Variants in CDH9 observed in about 807,000 individuals in gnomAD.
CDH9 encodes the protein cadherin 9.
CDH9 carries 28 observed loss-of-function variants against 70.9 expected under a neutral mutation model. The observed-to-expected ratio is 0.40, with a 90% CI of 0.29 to 0.54. The LOEUF is 0.54. CDH9 is among the 20% of genes least tolerant of loss of function. The pLI, the probability that CDH9 is intolerant of heterozygous loss-of-function variation, is 0.59. For missense variants in CDH9, 874 were observed against 984.4 expected, an observed-to-expected ratio of 0.89 and a Z score of 1.50; for synonymous variants, 409 against 343.1, an observed-to-expected ratio of 1.19 and a Z score of -2.12.
chr5:26,883,968 T>A (rs768314868), intron 11 of CDH9, among the ~76,000 whole-genome samples: 1 of 152,104 alleles, frequency 6.6e-6, no homozygotes, highest in Non-Finnish European at 1.5e-5. Flanking sequence ...ACTATAGAAA[T>A]GCATTAACTA....
chr5:26,982,860 T>C (rs2112086021), intron 2 of CDH9, among the ~76,000 whole-genome samples: 2 of 152,054 alleles, frequency 1.3e-5, no homozygotes, highest in East Asian at 3.9e-4. Context: ...TATTTGTATT[T>C]TTTTTTAGTA....
At chr5:26,913,753 ATGTTTGTG>A (rs1415701637) in intron 3 of CDH9, among the ~76,000 whole-genome samples, 2 of 125,086 alleles carry the variant, frequency 1.6e-5, no homozygotes, top group African/African-American at 6.7e-5. Context: ...ATATACATAT[ATGTTTGTG>A]TGTGTGTGTG....
At chr5:27,000,574 A>T (rs987022519) in intron 1 of CDH9, among the ~76,000 whole-genome samples, 2 of 152,178 alleles carry the variant, frequency 1.3e-5, no homozygotes, top group Non-Finnish European at 2.9e-5. Context: ...GCCACAGTTA[A>T]GCTTTCTAGT....
At chr5:26,922,347 A>T (rs534302809) in intron 2 of CDH9, among the ~76,000 whole-genome samples, 4 of 152,224 alleles carry the variant, frequency 2.6e-5, no homozygotes, top group African/African-American at 9.6e-5. Context: ...AAGAGAAAAT[A>T]AAAAAACAAC....
chr5:26,937,274 A>G (rs1423841161), intron 2 of CDH9, among the ~76,000 whole-genome samples: 1 of 152,222 alleles, frequency 6.6e-6, no homozygotes, highest in Non-Finnish European at 1.5e-5. Context: ...AAAAATGTGC[A>G]ACATCATATT....
At chr5:27,002,101 A>C (rs548453049) in intron 1 of CDH9, among the ~76,000 whole-genome samples, 1 of 152,328 alleles carries the variant, frequency 6.6e-6, no homozygotes, top group Non-Finnish European at 1.5e-5. Flanking sequence ...CCCATCAAAA[A>C]GTGGGGGAGG....
intron 2 of CDH9, among the ~76,000 whole-genome samples, chr5:26,938,576 A>G (rs1741602168): frequency 6.6e-6 from 1 of 152,100 alleles, no homozygotes; most frequent in Non-Finnish European, 1.5e-5. Flanking sequence ...GGCAATTTTG[A>G]ATAAAATTAA....
intron 2 of CDH9, among the ~76,000 whole-genome samples, chr5:26,983,054 G>A (rs1742427924): frequency 6.6e-6 from 1 of 152,070 alleles, no homozygotes; most frequent in African/African-American, 2.4e-5. Context: ...AATGAAATGG[G>A]TTTTATGTAA....
Position 26,889,892 on chromosome 5 carries a change from G to A in CDH9, c.1456C>T (p.Pro486Ser). 6.2e-7 allele frequency: 1 copy of A among 1,603,986 alleles called. No homozygotes were observed. Among genetic ancestry groups the A allele is most frequent in the South Asian group, 1.1e-5 (1 of 90,526 alleles). ...GTTTCATAATACATGGCAAATTCCG[G>A]AGCATGGTCATTTATATCTAGAATT... ...IRILDINDHAPEFAMYYETFV... is the reference protein window; with the variant it reads ...IRILDINDHASEFAMYYETFV... Residue 486 changes from proline to serine, a missense_variant, in exon 9 of 12, where the codon CCG becomes TCG. Pro to Ser is a moderately conservative substitution (Grantham distance 74). Transcript: ENST00000231021.
intron 1 of CDH9, among the ~76,000 whole-genome samples, chr5:27,005,642 C>G (rs927739108): frequency 6.6e-6 from 1 of 152,014 alleles, no homozygotes; most frequent in African/African-American, 2.4e-5. Context: ...AATTACCATT[C>G]GACCCAGCAA....
intron 5 of CDH9, among the ~76,000 whole-genome samples, 163 bp from the exon 6 acceptor site, chr5:26,903,987 A>G (rs1740902806): frequency 6.6e-6 from 1 of 152,020 alleles, no homozygotes. Context: ...TGGAAAAATA[A>G]TTTATAAAAC....
intron 2 of CDH9, among the ~76,000 whole-genome samples, chr5:26,976,038 A>C (rs1742298480): frequency 6.6e-6 from 1 of 152,224 alleles, no homozygotes; most frequent in African/African-American, 2.4e-5. Context: ...CATGCACAAG[A>C]CAGAAATCCA....
chr5:27,032,715 A>T (rs10064293), intron 1 of CDH9, among the ~76,000 whole-genome samples: 4,526 of 151,642 alleles, frequency 0.03, 232 homozygotes, highest in African/African-American at 0.1. Context: ...AAGCAATACT[A>T]TTTAAACTTA....
chr5:27,007,949 CAGACTT>C (rs1203519865), intron 1 of CDH9, among the ~76,000 whole-genome samples: 1 of 151,522 alleles, frequency 6.6e-6, no homozygotes. Context: ...CCATGTTAAA[CAGACTT>C]AGAACAACTT....
intron 2 of CDH9, among the ~76,000 whole-genome samples, chr5:26,941,546 C>T (rs1261877592): frequency 1.3e-5 from 2 of 152,198 alleles, no homozygotes; most frequent in Non-Finnish European, 2.9e-5. Flanking sequence ...GGATGCTCCT[C>T]TTGTCCTTTC....
intron 1 of CDH9, among the ~76,000 whole-genome samples, chr5:27,031,631 T>A (rs1194701419): frequency 6.6e-6 from 1 of 151,916 alleles, no homozygotes; most frequent in Non-Finnish European, 1.5e-5. Flanking sequence ...CTTGCCCATG[T>A]TTAATAAAGG....
chr5:26,932,071 CATG>C (rs1741472461), intron 2 of CDH9, among the ~76,000 whole-genome samples: 1 of 152,030 alleles, frequency 6.6e-6, no homozygotes, highest in Admixed American at 6.6e-5. Context: ...CTAAATTCTT[CATG>C]ATAACATCAG....
At chr5:27,035,522 T>TGGA (rs1743376004) in intron 1 of CDH9, among the ~76,000 whole-genome samples, 1 of 151,792 alleles carries the variant, frequency 6.6e-6, no homozygotes, top group Non-Finnish European at 1.5e-5. Context: ...CAATGTCCTT[T>TGGA]GGATTATATT....
At chr5:26,939,000 T>C (rs187568886) in intron 2 of CDH9, among the ~76,000 whole-genome samples, 107 of 152,144 alleles carry the variant, frequency 7.0e-4, no homozygotes, top group Non-Finnish European at 1.3e-3. Context: ...ATTTAAAATA[T>C]TGTGTGAAAT....
Sources: allele counts gnomAD v4.1 joint callset (sites outside exome capture counted in the v4.1 genomes callset), GRCh38; gene constraint gnomAD v4.1.1; transcripts MANE v1.5; gene names NCBI Gene and HGNC (gene_info 2026-07-23, HGNC 2026-07-21).